The following CNTN6 variants were observed in gnomAD, a reference collection of about 807,000 sequenced individuals.
CNTN6 encodes contactin-6.
A neutral mutation model predicts 122.8 loss-of-function variants in CNTN6; 137 were observed. The ratio of observed to expected loss-of-function variants is 1.12; its 90% CI spans 0.97 to 1.29. The LOEUF (loss-of-function observed/expected upper bound fraction) is 1.29, where lower values mean the gene tolerates loss of function less well. CNTN6 is among the 50% of genes most tolerant of loss of function. The pLI, the probability that CNTN6 is intolerant of heterozygous loss-of-function variation, is 0.00. For missense variants in CNTN6, 1,634 were observed against 1,223.4 expected, an observed-to-expected ratio of 1.34 and a Z score of -5.01; for synonymous variants, 570 against 426.0, an observed-to-expected ratio of 1.34 and a Z score of -4.16.
intron 4 of CNTN6, among the ~76,000 whole-genome samples, chr3:1,270,312 T>C (rs1389043306): frequency 6.6e-6 from 1 of 152,164 alleles, no homozygotes; most frequent in Non-Finnish European, 1.5e-5. Flanking sequence ...TCATAACTGG[T>C]CCTCTTCAAA....
At chr3:1,390,854 A>C (rs1172775867) in intron 20 of CNTN6, among the ~76,000 whole-genome samples, 2 of 150,978 alleles carry the variant, frequency 1.3e-5, no homozygotes, top group Admixed American at 1.3e-4. Context: ...AGACTAAACC[A>C]GGAAGAAGTT....
chr3:1,269,633 C>G (rs1057217713), intron 4 of CNTN6, among the ~76,000 whole-genome samples: 2 of 152,124 alleles, frequency 1.3e-5, no homozygotes, highest in East Asian at 3.9e-4. Flanking sequence ...AAATCAAATC[C>G]AGTCTGACAT....
At chr3:1,257,284 G>A (rs1236560544) in intron 4 of CNTN6, among the ~76,000 whole-genome samples, 3 of 151,994 alleles carry the variant, frequency 2.0e-5, no homozygotes, top group Non-Finnish European at 4.4e-5. Flanking sequence ...TATGTGAAAT[G>A]TTCCTATTTT....
intron 1 of CNTN6, among the ~76,000 whole-genome samples, chr3:1,107,898 G>T (rs527587635): frequency 6.6e-6 from 1 of 151,944 alleles, no homozygotes; most frequent in Non-Finnish European, 1.5e-5. Context: ...TAAATCACCC[G>T]AAATTATTTA....
chr3:1,174,169 C>T (rs1469577137), intron 2 of CNTN6, among the ~76,000 whole-genome samples: 1 of 152,188 alleles, frequency 6.6e-6, no homozygotes, highest in East Asian at 1.9e-4. Context: ...CAGCTTGAGG[C>T]ATTTCTCTGG....
chr3:1,311,763 A>G (rs1255842219), intron 7 of CNTN6, among the ~76,000 whole-genome samples: 2 of 151,774 alleles, frequency 1.3e-5, no homozygotes, highest in African/African-American at 2.4e-5. Context: ...CATAATTAGT[A>G]TAATACACTG....
intron 4 of CNTN6, among the ~76,000 whole-genome samples, chr3:1,277,400 C>T (rs1692597979): frequency 8.5e-6 from 1 of 117,902 alleles, no homozygotes. Context: ...GGCTCTGTCT[C>T]TCAGGCTGGA....
chr3:1,190,191 A>G, intron 2 of CNTN6, among the ~76,000 whole-genome samples: 1 of 152,100 alleles, frequency 6.6e-6, no homozygotes, highest in East Asian at 1.9e-4. Context: ...GGGGAGTGGG[A>G]GAAAGGTCTC....
intron 1 of CNTN6, among the ~76,000 whole-genome samples, chr3:1,127,720 T>A (rs1192800621): frequency 6.6e-6 from 1 of 151,978 alleles, no homozygotes; most frequent in Non-Finnish European, 1.5e-5. Context: ...GTTGATTGAA[T>A]TTTTGCACAC....
chr3:1,168,961 G>T (rs1468136941), intron 2 of CNTN6, among the ~76,000 whole-genome samples: 1 of 152,128 alleles, frequency 6.6e-6, no homozygotes, highest in Non-Finnish European at 1.5e-5. Flanking sequence ...AGGTGGACGT[G>T]AGTGGGAAGG....
intron 11 of CNTN6, among the ~76,000 whole-genome samples, chr3:1,341,473 A>C (rs184624239): frequency 6.6e-6 from 1 of 152,238 alleles, no homozygotes; most frequent in East Asian, 1.9e-4. Context: ...CTGTTTTGTT[A>C]ATGTTAAATT....
chr3:1,369,908 T>A (rs1265929541), intron 12 of CNTN6, among the ~76,000 whole-genome samples: 2 of 151,918 alleles, frequency 1.3e-5, no homozygotes, highest in Non-Finnish European at 2.9e-5. Context: ...TTTTAGGTCA[T>A]ACATTTCCTC....
chr3:1,222,515 A>G (rs951679765), intron 3 of CNTN6, among the ~76,000 whole-genome samples: 2 of 152,108 alleles, frequency 1.3e-5, no homozygotes, highest in Non-Finnish European at 1.5e-5. Flanking sequence ...TTTAACAGTT[A>G]GAAGGATATA....
chr3:1,251,765 C>T (rs1469548374), intron 4 of CNTN6, among the ~76,000 whole-genome samples: 5 of 152,074 alleles, frequency 3.3e-5, no homozygotes, highest in African/African-American at 1.2e-4. Flanking sequence ...AAAGTATGAG[C>T]TAGTATTTTT....
At chr3:1,401,634 A>C (rs2126262823) in intron 21 of CNTN6, 89 bp downstream of exon 21, 2 of 764,268 alleles carry the variant, frequency 2.6e-6, no homozygotes, top group East Asian at 2.7e-5. Flanking sequence ...AATTGGATGC[A>C]TATGGAAACA....
At chr3:1,111,048 C>G (rs1183803363) in intron 1 of CNTN6, among the ~76,000 whole-genome samples, 1 of 152,124 alleles carries the variant, frequency 6.6e-6, no homozygotes, top group African/African-American at 2.4e-5. Flanking sequence ...TAATAGTTGT[C>G]CCACCTCATA....
intron 3 of CNTN6, among the ~76,000 whole-genome samples, chr3:1,227,416 A>T (rs1439428711): frequency 1.3e-5 from 2 of 152,182 alleles, no homozygotes; most frequent in African/African-American, 4.8e-5. Flanking sequence ...ACGCTTCTTG[A>T]ATTCCTATCT....
chr3:1,161,578 C>T (rs1189571421), intron 2 of CNTN6, among the ~76,000 whole-genome samples: 2 of 151,764 alleles, frequency 1.3e-5, no homozygotes, highest in African/African-American at 4.8e-5. Context: ...TATGTATCCA[C>T]ATTCTTTTCA....
chr3:1,167,133 G>A lies in CNTN6; in HGVS notation c.55+19070G>A, dbSNP rs114893230. Among the ~76,000 whole-genome samples the A allele has an allele frequency of 2.5e-3, 382 of 151,600 alleles. 2 individuals carry two copies. The highest frequency in any genetic ancestry group is 8.7e-3 in the African/African-American group (358 of 41,340). Reference sequence around the variant, plus strand: ...AAGACAAATTATAAATGGTGGAGGAGTGGGGAGAATAAAACAAAAACAAAC... The same window carrying A: ...AAGACAAATTATAAATGGTGGAGGAATGGGGAGAATAAAACAAAAACAAAC... On this transcript the variant is annotated intron_variant, in intron 2 of 22. Transcript: ENST00000446702.
Sources: gnomAD v4.1 joint callset for allele counts (sites outside exome capture counted in the v4.1 genomes callset) on GRCh38, gnomAD v4.1.1 for gene constraint, MANE v1.5 for transcripts, NCBI Gene and HGNC (gene_info 2026-07-23, HGNC 2026-07-21) for gene names.